Variants in CTTNBP2 observed in about 807,000 individuals in gnomAD.
The protein encoded by CTTNBP2 is cortactin-binding protein 2.
In CTTNBP2, 108 loss-of-function variants were observed where a neutral mutation model predicts 156.9. That is an observed-to-expected ratio of 0.69 (90% CI 0.59 to 0.81). The LOEUF is 0.81. Among genes scored for constraint, CTTNBP2 ranks in the 30% least tolerant of loss-of-function variants. The pLI is 0.00. For synonymous variants in CTTNBP2, 767 were observed against 751.8 expected (o/e 1.02, Z -0.33); for missense variants, 1,924 against 2,035.4 (o/e 0.95, Z 1.05).
At chr7:117,739,299 C>A (rs947570974) in intron 14 of CTTNBP2, among the ~76,000 whole-genome samples, 1 of 152,168 alleles carries the variant, frequency 6.6e-6, no homozygotes, top group African/African-American at 2.4e-5. Context: ...CTGATCAGGG[C>A]TTATGGAGAG....
chr7:117,860,339 TTTTC>T (rs1349149067), intron 2 of CTTNBP2, among the ~76,000 whole-genome samples: 5 of 151,966 alleles, frequency 3.3e-5, no homozygotes, highest in Non-Finnish European at 5.9e-5. Context: ...TTGTTTTTTC[TTTTC>T]TTTTTTCTTT....
chr7:117,773,690 CACACACACACACA>C lies in CTTNBP2; in HGVS notation c.2778+3808_2778+3820del, dbSNP rs1562992376. On this transcript the variant is annotated intron_variant, in intron 8 of 22. Transcript: ENST00000160373. ...ACACACACACACACACACACACACA[CACACACACACACA>C]CACACCCCAAAAAACAAAAAGCAGA... Among the ~76,000 whole-genome samples, 30 of 148,964 alleles carry C rather than the reference CACACACACACACA, an allele frequency of 2.0e-4. 1 individual carries two copies. The highest frequency in any genetic ancestry group is 1.1e-3 in the South Asian group (5 of 4,748).
intron 2 of CTTNBP2, among the ~76,000 whole-genome samples, chr7:117,838,651 C>A (rs1415404817): frequency 6.6e-6 from 1 of 152,054 alleles, no homozygotes; most frequent in Non-Finnish European, 1.5e-5. Flanking sequence ...AATGATCCAG[C>A]TTGGAAGACT....
chr7:117,733,117 G>A (rs1795496008), intron 16 of CTTNBP2, among the ~76,000 whole-genome samples: 2 of 152,148 alleles, frequency 1.3e-5, no homozygotes, highest in African/African-American at 4.8e-5. Flanking sequence ...AAGAAATTGT[G>A]ATCAATTGCC....
intron 1 of CTTNBP2, among the ~76,000 whole-genome samples, chr7:117,868,717 G>A (rs1303277093): frequency 6.6e-6 from 1 of 152,120 alleles, no homozygotes; most frequent in Non-Finnish European, 1.5e-5. Flanking sequence ...GCTTTGCAAA[G>A]GAGCACCAAC....
chr7:117,866,703 A>G (rs1248407675), intron 1 of CTTNBP2, among the ~76,000 whole-genome samples: 2 of 152,064 alleles, frequency 1.3e-5, no homozygotes, highest in African/African-American at 2.4e-5. Context: ...GATCTCTTAA[A>G]TCTCCCCCAT....
At chr7:117,718,196 G>T in intron 21 of CTTNBP2, 77 bp from the exon 22 acceptor site, 2 of 852,242 alleles carry the variant, frequency 2.3e-6, no homozygotes, top group Non-Finnish European at 2.0e-6. Flanking sequence ...AAATGGTGGA[G>T]AAATCACAGC....
intron 3 of CTTNBP2, among the ~76,000 whole-genome samples, chr7:117,798,141 A>T (rs979274511): frequency 6.6e-6 from 1 of 152,172 alleles, no homozygotes; most frequent in Non-Finnish European, 1.5e-5. Flanking sequence ...GCAGAACCTG[A>T]CAGAAATACA....
At chr7:117,854,194 T>G (rs774162446) in intron 2 of CTTNBP2, among the ~76,000 whole-genome samples, 1 of 152,212 alleles carries the variant, frequency 6.6e-6, no homozygotes, top group Non-Finnish European at 1.5e-5. Flanking sequence ...GAAACTTAAA[T>G]TAATTTTTGT....
chr7:117,770,620 C>A (rs941956093), intron 8 of CTTNBP2, among the ~76,000 whole-genome samples: 1 of 152,176 alleles, frequency 6.6e-6, no homozygotes, highest in African/African-American at 2.4e-5. Flanking sequence ...ATTATGAGGG[C>A]TAAGGGTCCT....
chr7:117,784,182 A>C (rs1374755533), intron 5 of CTTNBP2, 69 bp downstream of exon 5: 3 of 1,207,688 alleles, frequency 2.5e-6, no homozygotes, highest in Non-Finnish European at 3.4e-6. Flanking sequence ...TGCTCATTAC[A>C]ATTGATACAT....
intron 19 of CTTNBP2, among the ~76,000 whole-genome samples, chr7:117,723,976 C>T (rs1334314967): frequency 6.6e-6 from 1 of 151,988 alleles, no homozygotes. Context: ...GCTATCCACT[C>T]GTCTTGGTCT....
intron 22 of CTTNBP2, 99 bp downstream of exon 22, chr7:117,717,919 T>TTAAAAAAATAACTCTGTGA: frequency 1.3e-6 from 1 of 761,444 alleles, no homozygotes; most frequent in South Asian, 1.7e-5. Context: ...TAGCTTTGGT[T>TTAAAAAAATAACTCTGTGA]TAAAAAAATA....
chr7:117,788,227 G>A (rs370123955), intron 4 of CTTNBP2, among the ~76,000 whole-genome samples: 10 of 152,212 alleles, frequency 6.6e-5, no homozygotes, highest in African/African-American at 1.7e-4. Context: ...CTCCTGCCTC[G>A]GCCTCCCAAT....
intron 3 of CTTNBP2, among the ~76,000 whole-genome samples, chr7:117,810,029 A>G (rs1160078484): frequency 6.6e-6 from 1 of 152,020 alleles, no homozygotes. Context: ...CTATTTACTT[A>G]TTTCCTTATT....
At position 117,863,969 on chromosome 7, in the gene CTTNBP2, TGCTC is replaced by T. The variant is rs1803940493; in HGVS notation, c.82-2657_82-2654del. ...ATGCTTTATTAATGATGCTGCTGGT[TGCTC>T]TAAAGATTTTAATTAATTGTATATT... On this transcript the variant is annotated intron_variant, in intron 1 of 22. Coordinates refer to ENST00000160373, the MANE Select transcript of CTTNBP2 (RefSeq NM_033427.3). Among the ~76,000 whole-genome samples, 7 of 152,354 alleles carry T rather than the reference TGCTC, an allele frequency of 4.6e-5. 1 individual carries two copies. Among genetic ancestry groups the T allele is most frequent in the Admixed American group, 2.6e-4 (4 of 15,310 alleles).
At chr7:117,804,778 C>T (rs1354122569) in intron 3 of CTTNBP2, among the ~76,000 whole-genome samples, 1 of 152,152 alleles carries the variant, frequency 6.6e-6, no homozygotes, top group Non-Finnish European at 1.5e-5. Flanking sequence ...TGGGGCATGG[C>T]AGGGGTAGAG....
intron 17 of CTTNBP2, among the ~76,000 whole-genome samples, chr7:117,725,835 G>A (rs1454490998): frequency 6.6e-6 from 1 of 152,118 alleles, no homozygotes; most frequent in Non-Finnish European, 1.5e-5. Flanking sequence ...TTACAGGCGT[G>A]TGGCAACAGG....
intron 2 of CTTNBP2, among the ~76,000 whole-genome samples, chr7:117,833,103 T>C (rs900986228): frequency 1.3e-5 from 2 of 152,106 alleles, no homozygotes; most frequent in Non-Finnish European, 2.9e-5. Context: ...TATCTCCCTG[T>C]ACTAATCACC....
Sources: allele counts gnomAD v4.1 joint callset (sites outside exome capture counted in the v4.1 genomes callset), GRCh38; gene constraint gnomAD v4.1.1; transcripts MANE v1.5; gene names NCBI Gene and HGNC (gene_info 2026-07-23, HGNC 2026-07-21).